Variants in PDE11A observed in about 807,000 individuals in gnomAD.
PDE11A encodes the protein dual 3',5'-cyclic-AMP and -GMP phosphodiesterase 11A.
Under a neutral mutation model 100.5 loss-of-function variants are expected in PDE11A, and 100 were observed. The ratio of observed to expected loss-of-function variants is 1.00; its 90% CI spans 0.85 to 1.18. The LOEUF is 1.18. PDE11A is among the 50% of genes most tolerant of loss of function. The probability of loss-of-function intolerance (pLI) is 0.00; values close to 1 mark genes in which losing one functional copy is unlikely to be tolerated. For missense variants in PDE11A, 1,141 were observed against 1,152.6 expected (o/e 0.99, Z 0.15); for synonymous variants, 381 against 420.8 (o/e 0.91, Z 1.16).
intron 4 of PDE11A, among the ~76,000 whole-genome samples, chr2:177,882,885 A>G (rs558535020): frequency 9.2e-5 from 14 of 152,328 alleles, no homozygotes; most frequent in Admixed American, 2.6e-4. Flanking sequence ...GCACCAAAAT[A>G]AAAATTATCT....
At chr2:177,880,490 A>T (rs2084313027) in intron 4 of PDE11A, among the ~76,000 whole-genome samples, 1 of 152,168 alleles carries the variant, frequency 6.6e-6, no homozygotes, top group African/African-American at 2.4e-5. Context: ...CAGAGTCCAC[A>T]TGTGGAATTT....
At chr2:177,923,047 C>T (rs2085075975) in intron 2 of PDE11A, among the ~76,000 whole-genome samples, 1 of 152,178 alleles carries the variant, frequency 6.6e-6, no homozygotes, top group Non-Finnish European at 1.5e-5. Flanking sequence ...CTGCATTCTC[C>T]TCATTCCACC....
rs141757230 is a variant in PDE11A, at chr2:177,863,991, C to T, written c.1367+11868G>A. On this transcript the variant is annotated intron_variant, in intron 5 of 19. Transcript: ENST00000286063. ...AGATATTGAATATTATCAAGTGGTA[C>T]ATATATATAATGGAATGTTATTCAT... is the stretch of plus-strand genomic sequence containing the variant. 7.2e-4 allele frequency among the ~76,000 whole-genome samples: 110 copies of T among 152,040 alleles called. 1 individual carries two copies. The East Asian group carries it at 0.014, about 19-fold the overall frequency.
At chr2:177,792,859 C>T (rs764405552) in intron 9 of PDE11A, among the ~76,000 whole-genome samples, 9 of 152,144 alleles carry the variant, frequency 5.9e-5, no homozygotes, top group Non-Finnish European at 1.0e-4. Flanking sequence ...CCCAGAACTG[C>T]GCAGTCACTA....
intron 13 of PDE11A, among the ~76,000 whole-genome samples, chr2:177,709,402 AG>A (rs759476738): frequency 1.4e-4 from 21 of 152,220 alleles, no homozygotes; most frequent in South Asian, 4.2e-4. Flanking sequence ...GGGGAGCTGC[AG>A]GGTAGGCTGG....
chr2:177,738,687 C>G (rs2081829552), intron 10 of PDE11A, among the ~76,000 whole-genome samples: 1 of 152,216 alleles, frequency 6.6e-6, no homozygotes, highest in Admixed American at 6.5e-5. Flanking sequence ...CTGACCCTCC[C>G]TGCTGCAGCC....
At chr2:177,788,945 A>G (rs1394399039) in intron 9 of PDE11A, among the ~76,000 whole-genome samples, 1 of 152,174 alleles carries the variant, frequency 6.6e-6, no homozygotes, top group African/African-American at 2.4e-5. Context: ...TTCACAGCCG[A>G]ATTCTACCAG....
At chr2:178,077,452 T>A (rs1425946075), upstream of PDE11A, among the ~76,000 whole-genome samples, 1 of 152,208 alleles carries the variant, frequency 6.6e-6, no homozygotes, top group East Asian at 1.9e-4. Flanking sequence ...CTCAATCCAG[T>A]ATATTTTACT....
upstream of PDE11A, chr2:178,073,094 G>C: frequency 1.0e-6 from 1 of 984,958 alleles, no homozygotes; most frequent in Non-Finnish European, 1.2e-6. Flanking sequence ...AGGCCCAGCG[G>C]GAGCCCAGTG....
chr2:177,875,926 G>C lies in PDE11A; in HGVS notation c.1303-3C>G. On this transcript the variant is annotated splice_region_variant and splice_polypyrimidine_tract_variant and intron_variant, in intron 4 of 19. Transcript: ENST00000286063. The stretch of plus-strand genomic sequence containing the variant: ...AAGGATTTGGTAAATTTCACCACCT[G>C]TCGCATAGAAAGATAATAAATCCAG... The C allele has an allele frequency of 6.3e-7, 1 of 1,588,150 alleles. No individual in the cohort carries two copies. The highest frequency in any genetic ancestry group is 8.6e-7 in the Non-Finnish European group (1 of 1,156,250).
chr2:177,919,388 C>T (rs1435867540), intron 2 of PDE11A, among the ~76,000 whole-genome samples: 2 of 152,054 alleles, frequency 1.3e-5, no homozygotes, highest in East Asian at 1.9e-4. Flanking sequence ...TGAGCCACTG[C>T]GCCTGGCCAG....
intron 2 of PDE11A, among the ~76,000 whole-genome samples, chr2:177,924,515 T>C (rs13413731): frequency 0.086 from 13,062 of 152,254 alleles, 532 homozygotes; most frequent in South Asian, 0.1. Context: ...TCAAGGAATT[T>C]ATAAGATCCA....
In PDE11A at chr2:177,669,551, GT is replaced by G; in HGVS notation, c.2503del (p.Thr835ProfsTer13). ...ATCTCCTTGTTCGAAGAACTCACTG[GT>G]TACAAGTTCTGCCACCTGAAACATA... ...EISRQVAELV[T>X]SEFFEQGDRE... On this transcript the variant is annotated frameshift_variant, in exon 18 of 20. Coordinates refer to ENST00000286063, the MANE Select transcript of PDE11A (RefSeq NM_016953.4). LOFTEE classifies it high-confidence loss of function. 6.8e-7 allele frequency: 1 copy of G among 1,464,364 alleles called. No individual in the cohort carries two copies. Among genetic ancestry groups the G allele is most frequent in the Non-Finnish European group, 9.6e-7 (1 of 1,043,666 alleles). 90.7% of individuals were successfully genotyped at this position (1,464,364 alleles called of 1,614,324 possible).
intron 6 of PDE11A, among the ~76,000 whole-genome samples, chr2:177,823,770 G>A (rs115740237): frequency 0.025 from 3,857 of 152,274 alleles, 153 homozygotes; most frequent in African/African-American, 0.088. Context: ...GCTAGCCACA[G>A]CAGCACTAGG....
chr2:177,797,816 AT>A (rs2082726425), intron 9 of PDE11A, among the ~76,000 whole-genome samples: 1 of 152,184 alleles, frequency 6.6e-6, no homozygotes, highest in African/African-American at 2.4e-5. Context: ...ATGATCAACA[AT>A]TTTGTTTTAA....
intron 2 of PDE11A, among the ~76,000 whole-genome samples, chr2:177,946,546 C>T (rs2085434167): frequency 1.2e-5 from 1 of 82,912 alleles, no homozygotes; most frequent in African/African-American, 5.1e-5. Flanking sequence ...CCGCCCCGTC[C>T]GGGAGGTGAG....
At chr2:178,052,200 T>A (rs2086837594) in intron 1 of PDE11A, among the ~76,000 whole-genome samples, 1 of 152,154 alleles carries the variant, frequency 6.6e-6, no homozygotes, top group South Asian at 2.1e-4. Context: ...GAACTCAGGA[T>A]TAAGAAACTC....
At chr2:177,845,199 T>C (rs1368457956) in intron 5 of PDE11A, among the ~76,000 whole-genome samples, 4 of 144,810 alleles carry the variant, frequency 2.8e-5, no homozygotes, top group African/African-American at 5.3e-5. Flanking sequence ...CCGGACGGGG[T>C]GGCTGCCGGG....
chr2:177,721,623 AT>A (rs1390706324), intron 12 of PDE11A, among the ~76,000 whole-genome samples: 3 of 151,938 alleles, frequency 2.0e-5, no homozygotes, highest in South Asian at 2.1e-4. Flanking sequence ...GTGCTTTATG[AT>A]TTTTTTTGAG....
Sources: allele counts gnomAD v4.1 joint callset (sites outside exome capture counted in the v4.1 genomes callset), GRCh38; gene constraint gnomAD v4.1.1; transcripts MANE v1.5; gene names NCBI Gene and HGNC (gene_info 2026-07-23, HGNC 2026-07-21).